The following RERE variants were observed in gnomAD, a reference collection of about 807,000 sequenced individuals.
The protein encoded by RERE is arginine-glutamic acid dipeptide repeats.
Under a neutral mutation model 146.1 loss-of-function variants are expected in RERE, and 40 were observed. The observed-to-expected ratio is 0.27, with a 90% CI of 0.21 to 0.36. RERE has a LOEUF of 0.36. Among genes scored for constraint, RERE ranks in the 10% least tolerant of loss-of-function variants. The pLI is 1.00. For synonymous variants in RERE, 1,003 were observed against 866.0 expected, an observed-to-expected ratio of 1.16 and a Z score of -2.78; for missense variants, 1,933 against 2,138.7, an observed-to-expected ratio of 0.90 and a Z score of 1.90.
intron 3 of RERE, among the ~76,000 whole-genome samples, chr1:8,621,230 C>CTA (rs1033612574): frequency 6.6e-6 from 1 of 152,082 alleles, no homozygotes; most frequent in Non-Finnish European, 1.5e-5. Flanking sequence ...CAGCTGTGTT[C>CTA]TATACCACAG....
intron 2 of RERE, among the ~76,000 whole-genome samples, chr1:8,643,758 G>T (rs1007902154): frequency 6.6e-6 from 1 of 152,182 alleles, no homozygotes; most frequent in African/African-American, 2.4e-5. Flanking sequence ...TAATGTTAGC[G>T]TGTGCCTCTC....
intron 4 of RERE, among the ~76,000 whole-genome samples, chr1:8,559,284 A>AAAAAAAAAAAAAAC (rs1646046145): frequency 8.1e-6 from 1 of 123,078 alleles, no homozygotes; most frequent in Non-Finnish European, 1.7e-5. Context: ...CCAGCTCAAA[A>AAAAAAAAAAAAAAC]AAAAAAAAAA....
At chr1:8,359,215 G>A (rs900420930) in intron 19 of RERE, among the ~76,000 whole-genome samples, 1 of 152,200 alleles carries the variant, frequency 6.6e-6, no homozygotes, top group Non-Finnish European at 1.5e-5. Flanking sequence ...GACAGCTGGG[G>A]GGCATGGGTG....
Position 8,589,298 on chromosome 1 carries a change from G to A in RERE, c.522+25263C>T, listed in dbSNP as rs190030825. On this transcript the variant is annotated intron_variant, in intron 4 of 22. Coordinates refer to ENST00000400908, the MANE Select transcript of RERE (RefSeq NM_001042681.2). Reference sequence around the variant, plus strand: ...CTACTAAAAATAAAAAATGTATTCAGGTATGGTGGTGCATGCCTGTAATCC... The same window carrying A: ...CTACTAAAAATAAAAAATGTATTCAAGTATGGTGGTGCATGCCTGTAATCC... 5.6e-4 allele frequency among the ~76,000 whole-genome samples: 85 copies of A among 152,198 alleles called. 2 individuals carry two copies. The South Asian group carries it at 0.018, about 32-fold the overall frequency.
At chr1:8,533,974 C>T (rs1645691100) in intron 7 of RERE, among the ~76,000 whole-genome samples, 1 of 152,200 alleles carries the variant, frequency 6.6e-6, no homozygotes, top group East Asian at 1.9e-4. Flanking sequence ...GTACTCTCAA[C>T]CATCTCCAAT....
At chr1:8,457,224 G>A (rs888378688) in intron 11 of RERE, among the ~76,000 whole-genome samples, 3 of 152,168 alleles carry the variant, frequency 2.0e-5, no homozygotes, top group African/African-American at 7.2e-5. Flanking sequence ...CCTCTGCAAG[G>A]AATGCAGAGC....
chr1:8,696,885 C>T (rs1215224449), intron 1 of RERE, among the ~76,000 whole-genome samples: 1 of 150,820 alleles, frequency 6.6e-6, no homozygotes, highest in Non-Finnish European at 1.5e-5. Context: ...ACTCCAGCCT[C>T]GGCAACAGAG....
intron 7 of RERE, among the ~76,000 whole-genome samples, chr1:8,513,304 T>G (rs1185376121): frequency 6.6e-6 from 1 of 152,174 alleles, no homozygotes; most frequent in Admixed American, 6.5e-5. Flanking sequence ...AGCAGAAACC[T>G]TTAGTAAAAA....
At chr1:8,791,560 A>G (rs1371420086) in intron 1 of RERE, among the ~76,000 whole-genome samples, 1 of 152,254 alleles carries the variant, frequency 6.6e-6, no homozygotes, top group African/African-American at 2.4e-5. Flanking sequence ...AGGGAGACTT[A>G]GATGACAGCA....
intron 11 of RERE, among the ~76,000 whole-genome samples, chr1:8,463,063 C>G (rs2124116173): frequency 6.6e-6 from 1 of 152,270 alleles, no homozygotes; most frequent in Middle Eastern, 3.4e-3. Flanking sequence ...CACATGAACA[C>G]AGCAGGTGTT....
intron 8 of RERE, among the ~76,000 whole-genome samples, chr1:8,500,261 T>A (rs545956213): frequency 6.6e-6 from 1 of 152,230 alleles, no homozygotes; most frequent in African/African-American, 2.4e-5. Flanking sequence ...ATGTCTGTTA[T>A]TAATCGAAAA....
chr1:8,640,315 C>T (rs957375488), intron 2 of RERE, among the ~76,000 whole-genome samples: 1 of 152,008 alleles, frequency 6.6e-6, no homozygotes, highest in African/African-American at 2.4e-5. Flanking sequence ...GATCAGTCTA[C>T]AGTGAGACAC....
At chr1:8,422,868 G>A in intron 11 of RERE, 61 bp from the exon 12 acceptor site, 1 of 1,199,662 alleles carries the variant, frequency 8.3e-7, no homozygotes, top group Non-Finnish European at 1.2e-6. Flanking sequence ...TGTCAGCAAA[G>A]CAAAGATATC....
At chr1:8,361,716 T>C (rs1641588950) in intron 17 of RERE, 47 bp downstream of exon 17, 2 of 1,522,896 alleles carry the variant, frequency 1.3e-6, no homozygotes, top group African/African-American at 2.7e-5. Context: ...TGGGGGCTTC[T>C]GAAGAAGCAT....
At chr1:8,780,469 C>T (rs1043759111) in intron 1 of RERE, among the ~76,000 whole-genome samples, 4 of 152,270 alleles carry the variant, frequency 2.6e-5, no homozygotes, top group South Asian at 2.1e-4. Flanking sequence ...AACTCTAGGA[C>T]CTCAAAGCAT....
At chr1:8,813,816 T>C (rs957112131) in intron 1 of RERE, among the ~76,000 whole-genome samples, 4 of 152,164 alleles carry the variant, frequency 2.6e-5, no homozygotes, top group Non-Finnish European at 5.9e-5. Context: ...GGTTTCACCA[T>C]GTTGGCCAGG....
intron 11 of RERE, among the ~76,000 whole-genome samples, chr1:8,440,435 C>T (rs936470481): frequency 6.6e-6 from 1 of 150,928 alleles, no homozygotes; most frequent in African/African-American, 2.4e-5. Flanking sequence ...ACTAAAAATA[C>T]AAACAATTAG....
chr1:8,496,257 T>C (rs565146323), intron 9 of RERE, among the ~76,000 whole-genome samples: 1 of 151,852 alleles, frequency 6.6e-6, no homozygotes, highest in African/African-American at 2.4e-5. Flanking sequence ...ACAACACCGT[T>C]GACTAGAAAA....
chr1:8,372,586 C>T (rs868208157), intron 12 of RERE, among the ~76,000 whole-genome samples: 3 of 143,084 alleles, frequency 2.1e-5, no homozygotes, highest in South Asian at 2.4e-4. Flanking sequence ...TGTAAATAAC[C>T]GTATGCGCAC....
Sources: gnomAD v4.1 joint callset for allele counts (sites outside exome capture counted in the v4.1 genomes callset) on GRCh38, gnomAD v4.1.1 for gene constraint, MANE v1.5 for transcripts, NCBI Gene and HGNC (gene_info 2026-07-23, HGNC 2026-07-21) for gene names.